COX6A2: variants seen among roughly 807,000 people sequenced by gnomAD.
COX6A2 encodes cytochrome c oxidase subunit 6A2.
A neutral mutation model predicts 7.2 loss-of-function variants in COX6A2; 5 were observed. The ratio of observed to expected loss-of-function variants is 0.69; its 90% CI spans 0.36 to 1.45. COX6A2 has a LOEUF of 1.45. Among genes scored for constraint, COX6A2 ranks in the 40% most tolerant of loss-of-function variants. The pLI is 0.03. For missense variants in COX6A2, 174 were observed against 137.7 expected (o/e 1.26, Z -1.32); for synonymous variants, 63 against 55.9 (o/e 1.13, Z -0.56).
At chr16:31,428,206 G>C (rs1361399201) in intron 1 of COX6A2, 47 bp downstream of exon 1, 1 of 1,548,484 alleles carries the variant, frequency 6.5e-7, no homozygotes, top group Non-Finnish European at 8.7e-7. Context: ...CCTGTGAACA[G>C]GTGGGCAGGG....
At chr16:31,427,976 G>T (rs1597176681) in intron 2 of COX6A2, 39 bp downstream of exon 2, 17 of 419,968 alleles carry the variant, frequency 4.0e-5, no homozygotes, top group Non-Finnish European at 5.0e-5. Context: ...CCCCGCCCCC[G>T]CAGCACCCCC....
chr16:31,427,895 C>T (rs1270594706), intron 2 of COX6A2, 38 bp from the exon 3 acceptor site: 2 of 1,209,716 alleles, frequency 1.7e-6, no homozygotes, highest in South Asian at 3.2e-5. Context: ...GCGTGAGCGC[C>T]GTGAGTCCGG....
Position 31,428,095 on chromosome 16 carries a change from T to G in COX6A2, c.130A>C (p.Thr44Pro). ...CCCGAGTGGAGATAGGAGTTGAAGG[T>G]GCAGAGGGCCACGCTGGGCAGCGCC... The part of the protein sequence containing the change: ...VLALPSVALC[T>P]FNSYLHSGHR... The change falls in exon 2 of 3, where the codon ACC (threonine) becomes CCC (proline). Residue 44 changes from threonine (T) to proline (P), a missense_variant. Thr to Pro is a conservative substitution (Grantham distance 38). Coordinates refer to ENST00000287490, the MANE Select transcript of COX6A2 (RefSeq NM_005205.4). 6.4e-7 allele frequency: 1 copy of G among 1,560,024 alleles called. No individual in the cohort carries two copies. Among genetic ancestry groups the G allele is most frequent in the Non-Finnish European group, 8.7e-7 (1 of 1,153,592 alleles).
rs776278102 is a variant in COX6A2, at chr16:31,427,772, C to T, written c.*2G>A. The stretch of plus-strand genomic sequence containing the variant: ...TTATTGTGTCCGGGGGCGTCCGGGG[C>T]CTCAGGGGTGTTCGTAGCCCGTGGG... On this transcript the variant is annotated 3_prime_UTR_variant, in exon 3 of 3. Transcript: ENST00000287490. The T allele has an allele frequency of 2.1e-6, 3 of 1,413,786 alleles. No homozygotes were observed. Among genetic ancestry groups the T allele is most frequent in the South Asian group, 1.7e-5 (1 of 57,878 alleles). The allele number at this position is 1,413,786 out of a possible 1,614,324, so 87.6% of individuals were successfully genotyped here. A position where few individuals can be genotyped will look rare whatever the true frequency, so the allele number is the denominator to read the frequency against.
rs1419988341 is a variant in COX6A2, at chr16:31,427,930, C to CG, written c.211-74_211-73insC. ...GAGTCCGCGCCCCGCGCGACCCCCC[C>CG]CCCGCAGCACCCCCCCCCGCCCCCG... On this transcript the variant is annotated intron_variant, in intron 2 of 2. Coordinates refer to ENST00000287490, the MANE Select transcript of COX6A2 (RefSeq NM_005205.4). 16 of 350,550 alleles carry CG rather than the reference C, an allele frequency of 4.6e-5. 3 individuals carry two copies. Among genetic ancestry groups the CG allele is most frequent in the Non-Finnish European group, 5.8e-5 (15 of 260,022 alleles). 21.7% of individuals were successfully genotyped at this position (350,550 alleles called of 1,614,324 possible).
chr16:31,427,911 G>C, intron 2 of COX6A2, 54 bp from the exon 3 acceptor site: 1 of 364,810 alleles, frequency 2.7e-6, no homozygotes, highest in South Asian at 1.9e-4. Flanking sequence ...TCCGGAGTCC[G>C]CGCCCCGCGC....
chr16:31,428,308 C>T lies in COX6A2; in HGVS notation c.18G>A (p.Arg6=), dbSNP rs200721543. ...CGCTGGCCAAGCCCCGGGTCAGGGG[C>T]CTCAGAGGCAAAGCCATGATGGTGC... MALPL[R]PLTRGLASAA... Residue 6 remains arginine (R), a synonymous_variant, in exon 1 of 3, where the codon AGG becomes AGA. Coordinates refer to ENST00000287490, the MANE Select transcript of COX6A2 (RefSeq NM_005205.4). 106 of 1,605,516 alleles carry T rather than the reference C, an allele frequency of 6.6e-5. 1 individual carries two copies. In the East Asian group the frequency reaches 2.3e-3, roughly 35 times the overall value.
rs2082154234 is a variant in COX6A2 at position 31,428,264 on chromosome 16, C to T, written c.62G>A (p.Gly21Glu). The change falls in exon 1 of 3, where the codon GGA (glycine) becomes GAA (glutamate). Residue 21 changes from glycine to glutamate, a missense_variant. Physicochemically the swap from Gly to Glu is moderately conservative, Grantham distance 98 (BLOSUM62 -2). Transcript: ENST00000287490. ...GLASAAKGGHGGAGARTWRLL... is the reference protein window; with the variant it reads ...GLASAAKGGHEGAGARTWRLL... ...CGTTCCCCACTCACCTCCTGCTCCT[C>T]CGTGGCCTCCTTTGGCAGCGCTGGC... is the stretch of plus-strand genomic sequence containing the variant. 1.2e-6 allele frequency: 2 copies of T among 1,600,454 alleles called. No homozygotes were observed. Among genetic ancestry groups the T allele is most frequent in the Non-Finnish European group, 1.7e-6 (2 of 1,174,158 alleles).
rs1345274484 is a variant in COX6A2, at chr16:31,428,093, G to A, written c.132C>T (p.Thr44=). The change falls in exon 2 of 3, where the codon ACC becomes ACT. Residue 44 remains threonine, a synonymous_variant. Coordinates refer to ENST00000287490, the MANE Select transcript of COX6A2 (RefSeq NM_005205.4). The part of the protein sequence containing the change: ...VLALPSVALC[T]FNSYLHSGHR... ...GGCCCGAGTGGAGATAGGAGTTGAA[G>A]GTGCAGAGGGCCACGCTGGGCAGCG... 3 of 1,560,412 alleles carry A rather than the reference G, an allele frequency of 1.9e-6. No homozygotes were observed. In the Admixed American group the frequency reaches 5.8e-5, roughly 30 times the overall value.
In COX6A2 at chr16:31,427,741, A is replaced by C. The variant is rs749513247; in HGVS notation, c.*33T>G. 7.4e-7 allele frequency: 1 copy of C among 1,349,944 alleles called. No individual in the cohort carries two copies. The highest frequency in any genetic ancestry group is 9.6e-7 in the Non-Finnish European group (1 of 1,041,138). 83.6% of individuals were successfully genotyped at this position (1,349,944 alleles called of 1,614,324 possible). On this transcript the variant is annotated 3_prime_UTR_variant, in exon 3 of 3. Transcript: ENST00000287490. ...CACAGAGCCGCAGACTCGAAGCTTC[A>C]CACCTTTATTGTGTCCGGGGGCGTC...
In COX6A2 at chr16:31,428,148, C is replaced by G; in HGVS notation, c.77G>C (p.Arg26Pro). 6.4e-7 allele frequency: 1 copy of G among 1,571,910 alleles called. No individual in the cohort carries two copies. Residue 26 changes from arginine to proline, a missense_variant, in exon 2 of 3, where the codon CGT becomes CCT. Physicochemically the swap from Arg to Pro is moderately radical, Grantham distance 103. Coordinates refer to ENST00000287490, the MANE Select transcript of COX6A2 (RefSeq NM_005205.4). ...CACGAAGGTCAGCAGACGCCAGGTA[C>G]GAGCTGCGGACGGAGCGGGGTGAGC... ...AKGGHGGAGA[R>P]TWRLLTFVLA...
At position 31,427,843 on chromosome 16, in the gene COX6A2, C is replaced by T. The variant is rs1487397959; in HGVS notation, c.225G>A (p.Gly75=). The T allele has an allele frequency of 7.1e-7, 1 of 1,402,030 alleles. No homozygotes were observed. Among genetic ancestry groups the T allele is most frequent in the Admixed American group, 3.0e-5 (1 of 33,758 alleles). The allele number at this position is 1,402,030 out of a possible 1,614,324, so 86.8% of individuals were successfully genotyped here. A position where few individuals can be genotyped will look rare whatever the true frequency, so the allele number is the denominator to read the frequency against. Residue 75 remains glycine, a synonymous_variant, in exon 3 of 3, where the codon GGG becomes GGA. Transcript: ENST00000287490. ...TGTGGAACAGAGTGTGGTTGCCGTC[C>T]CCCCAGGGGTAGGGCTGTGGAGAGA... The part of the protein sequence containing the change: ...LRIRTKPYPW[G]DGNHTLFHNS...
Position 31,428,099 on chromosome 16 carries a change from G to C in COX6A2, c.126C>G (p.Leu42=), listed in dbSNP as rs1439063764. 2 of 1,563,518 alleles carry C rather than the reference G, an allele frequency of 1.3e-6. No individual in the cohort carries two copies. Among genetic ancestry groups the C allele is most frequent in the East Asian group, 2.4e-5 (1 of 41,692 alleles). ...TFVLALPSVA[L]CTFNSYLHSG... is the part of the protein sequence containing the mutation. ...AGTGGAGATAGGAGTTGAAGGTGCA[G>C]AGGGCCACGCTGGGCAGCGCCAGCA... The change falls in exon 2 of 3, where the codon CTC becomes CTG. Residue 42 remains leucine, a synonymous_variant. Transcript: ENST00000287490.
At position 31,428,040 on chromosome 16, in the gene COX6A2, T is replaced by C; in HGVS notation, c.185A>G (p.Tyr62Cys). 6.6e-7 allele frequency: 1 copy of C among 1,516,964 alleles called. No individual in the cohort carries two copies. Among genetic ancestry groups the C allele is most frequent in the Non-Finnish European group, 8.8e-7 (1 of 1,132,970 alleles). 94.0% of individuals were successfully genotyped at this position (1,516,964 alleles called of 1,614,324 possible). Residue 62 changes from tyrosine to cysteine, a missense_variant, in exon 2 of 3, where the codon TAC becomes TGC. By Grantham distance (194) the Tyr-to-Cys change is radical. Coordinates refer to ENST00000287490, the MANE Select transcript of COX6A2 (RefSeq NM_005205.4). ...GHRPRPEFRP[Y>C]QHLRIRTKPY... ...CTTGGTGCGGATGCGGAGGTGTTGGTAGGGACGGAACTCGGGGCGCGGGCG... is the reference window on the plus strand; with the variant it reads ...CTTGGTGCGGATGCGGAGGTGTTGGCAGGGACGGAACTCGGGGCGCGGGCG...
Position 31,428,268 on chromosome 16 carries a change from G to A in COX6A2, c.58C>T (p.His20Tyr), listed in dbSNP as rs770249533. 3 of 1,602,104 alleles carry A rather than the reference G, an allele frequency of 1.9e-6. No homozygotes were observed. In the African/African-American group the frequency reaches 4.0e-5, roughly 21 times the overall value. Residue 20 changes from histidine (H) to tyrosine (Y), a missense_variant, in exon 1 of 3, where the codon CAC becomes TAC. Transcript: ENST00000287490. Reference sequence around the variant, plus strand: ...CCCCACTCACCTCCTGCTCCTCCGTGGCCTCCTTTGGCAGCGCTGGCCAAG... The same window carrying A: ...CCCCACTCACCTCCTGCTCCTCCGTAGCCTCCTTTGGCAGCGCTGGCCAAG... ...RGLASAAKGG[H>Y]GGAGARTWRL... is the part of the protein sequence containing the mutation.
intron 1 of COX6A2, 51 bp from the exon 2 acceptor site, chr16:31,428,202 A>G: frequency 1.3e-6 from 2 of 1,548,634 alleles, no homozygotes; most frequent in South Asian, 2.4e-5. Context: ...CGGGCCTGTG[A>G]ACAGGTGGGC....
In COX6A2 at chr16:31,428,036, T is replaced by A. The variant is rs1485679036; in HGVS notation, c.189A>T (p.Gln63His). Residue 63 changes from glutamine (Q) to histidine (H), a missense_variant, in exon 2 of 3, where the codon CAA becomes CAT. Transcript: ENST00000287490. The stretch of plus-strand genomic sequence containing the variant: ...GTACCTTGGTGCGGATGCGGAGGTG[T>A]TGGTAGGGACGGAACTCGGGGCGCG... ...HRPRPEFRPYQHLRIRTKPYP... is the reference protein window; with the variant it reads ...HRPRPEFRPYHHLRIRTKPYP... 1 of 1,500,890 alleles carries A rather than the reference T, an allele frequency of 6.7e-7. No homozygotes were observed. The highest frequency in any genetic ancestry group is 2.7e-5 in the East Asian group (1 of 37,238). The allele number at this position is 1,500,890 out of a possible 1,614,324, so 93.0% of individuals were successfully genotyped here. A position where few individuals can be genotyped will look rare whatever the true frequency, so the allele number is the denominator to read the frequency against.
Position 31,428,334 on chromosome 16 carries a change from G to A in COX6A2, c.-9C>T. 2 of 1,593,752 alleles carry A rather than the reference G, an allele frequency of 1.3e-6. No homozygotes were observed. The highest frequency in any genetic ancestry group is 1.1e-5 in the South Asian group (1 of 87,564). On this transcript the variant is annotated 5_prime_UTR_variant, in exon 1 of 3. Transcript: ENST00000287490. The stretch of plus-strand genomic sequence containing the variant: ...CTCAGAGGCAAAGCCATGATGGTGC[G>A]GGGAGCCGGGAACCAGCGCTGTCCT...
Position 31,428,079 on chromosome 16 carries a change from A to G in COX6A2, c.146T>C (p.Leu49Pro). 6.4e-7 allele frequency: 1 copy of G among 1,552,212 alleles called. No individual in the cohort carries two copies. The highest frequency in any genetic ancestry group is 8.7e-7 in the Non-Finnish European group (1 of 1,150,146). ...GGGGCGCGGGCGGTGGCCCGAGTGG[A>G]GATAGGAGTTGAAGGTGCAGAGGGC... ...SVALCTFNSY[L>P]HSGHRPRPEF... is the part of the protein sequence containing the mutation. The change falls in exon 2 of 3, where the codon CTC becomes CCC. Residue 49 changes from leucine to proline, a missense_variant. By Grantham distance (98) the Leu-to-Pro change is moderately conservative. Transcript: ENST00000287490.
Sources: gnomAD v4.1 joint callset for allele counts on GRCh38, gnomAD v4.1.1 for gene constraint, MANE v1.5 for transcripts, NCBI Gene and HGNC (gene_info 2026-07-23, HGNC 2026-07-21) for gene names.